Variants in TAF11L14 observed in about 807,000 individuals in gnomAD.
The protein encoded by TAF11L14 is TATA-box binding protein associated factor 11 like 14, also known as TATA-box-binding protein-associated factor 11-like protein 14.
exon 1 of TAF11L14, chr5:17,634,730 G>T: frequency 2.5e-6 from 1 of 398,756 alleles, no homozygotes; most frequent in Non-Finnish European, 4.4e-6. Context: ...TGCAGAGGAG[G>T]CTCAGAGGAT....
exon 1 of TAF11L14, chr5:17,634,694 C>A: frequency 2.5e-6 from 1 of 399,034 alleles, no homozygotes. Context: ...TACCAAAGGC[C>A]AGAAGGAGAG....
At chr5:17,634,564 C>G (rs916369375) in exon 1 of TAF11L14, 1 of 398,262 alleles carries the variant, frequency 2.5e-6, no homozygotes, top group African/African-American at 2.1e-5. Flanking sequence ...TAGATGGGAA[C>G]TTGGAAGAAC....
exon 1 of TAF11L14, chr5:17,634,842 C>G: frequency 2.5e-6 from 1 of 398,600 alleles, no homozygotes; most frequent in Non-Finnish European, 4.4e-6. Context: ...CTGATGTGGT[C>G]TATCACTGGG....
chr5:17,634,532 G>A (rs966979082), exon 1 of TAF11L14: 5 of 398,240 alleles, frequency 1.3e-5, no homozygotes, highest in Non-Finnish European at 2.2e-5. Flanking sequence ...GGGCTGCAAC[G>A]AGGATGGAAT....
exon 1 of TAF11L14, chr5:17,634,999 C>G (rs1332993963): frequency 1.3e-5 from 5 of 398,166 alleles, no homozygotes; most frequent in Non-Finnish European, 2.2e-5. Flanking sequence ...AGGCTGTTTG[C>G]AGGTTAAAGC....
At chr5:17,634,536 A>G (rs999790519) in exon 1 of TAF11L14, 9 of 398,202 alleles carry the variant, frequency 2.3e-5, no homozygotes, top group African/African-American at 1.9e-4. Context: ...TGCAACGAGG[A>G]TGGAATCCCT....
chr5:17,634,481 G>T (rs1561017525), exon 1 of TAF11L14: 2 of 398,404 alleles, frequency 5.0e-6, no homozygotes, highest in East Asian at 7.1e-5. Flanking sequence ...CAGGCAAACA[G>T]GTGTGTCTGC....
exon 1 of TAF11L14, chr5:17,634,827 C>G (rs1179908838): frequency 7.5e-6 from 3 of 398,474 alleles, no homozygotes; most frequent in African/African-American, 6.2e-5. Context: ...GCACTTGTTG[C>G]ACGTCTGATG....
exon 1 of TAF11L14, chr5:17,634,997 T>C (rs1244443455): frequency 1.3e-5 from 5 of 398,212 alleles, no homozygotes; most frequent in South Asian, 2.5e-4. Flanking sequence ...GGAGGCTGTT[T>C]GCAGGTTAAA....
chr5:17,634,821 T>G, exon 1 of TAF11L14: 4 of 398,608 alleles, frequency 1.0e-5, no homozygotes, highest in Non-Finnish European at 1.8e-5. Flanking sequence ...CCAAAAGCAC[T>G]TGTTGCACGT....
Position 17,634,869 on chromosome 5 carries a change from A to G in TAF11L14, c.410A>G (p.Asn137Ser), listed in dbSNP as rs1304679805. The G allele has an allele frequency of 2.8e-5, 11 of 398,458 alleles. 1 individual carries two copies. The highest frequency in any genetic ancestry group is 4.9e-5 in the Non-Finnish European group (11 of 225,882). 24.7% of individuals were successfully genotyped at this position (398,458 alleles called of 1,614,324 possible). A position where few individuals can be genotyped will look rare whatever the true frequency, so the allele number is the denominator to read the frequency against. ...ATCACTGGGAGATCGGTGCCTGAGAACATGGCCATTGCCATGGCTGGAATA... is the reference window on the plus strand; with the variant it reads ...ATCACTGGGAGATCGGTGCCTGAGAGCATGGCCATTGCCATGGCTGGAATA... The change falls in exon 1 of 1, where the codon AAC (asparagine) becomes AGC (serine). Residue 137 changes from asparagine to serine, a missense_variant. Transcript: ENST00000512227.
chr5:17,634,934 G>C, exon 1 of TAF11L14: 1 of 398,518 alleles, frequency 2.5e-6, no homozygotes, highest in Non-Finnish European at 4.4e-6. Context: ...AGAGGCCCTG[G>C]ACATGTGTGA....
exon 1 of TAF11L14, chr5:17,634,966 A>C (rs1467070587): frequency 5.0e-6 from 2 of 398,274 alleles, no homozygotes. Context: ...AAATGCCCCC[A>C]TTGCAGCCCA....
exon 1 of TAF11L14, chr5:17,634,915 G>A: frequency 2.5e-6 from 1 of 398,628 alleles, no homozygotes; most frequent in Non-Finnish European, 4.4e-6. Context: ...TTGTTGGAGA[G>A]GTGGTGGAAG....
Position 17,634,869 on chromosome 5 carries a change from A to T in TAF11L14, c.410A>T (p.Asn137Ile), listed in dbSNP as rs1304679805. 5.0e-6 allele frequency: 2 copies of T among 398,576 alleles called. 1 individual carries two copies. Among genetic ancestry groups the T allele is most frequent in the East Asian group, 7.1e-5 (2 of 28,072 alleles). 24.7% of individuals were successfully genotyped at this position (398,576 alleles called of 1,614,324 possible). A position where few individuals can be genotyped will look rare whatever the true frequency, so the allele number is the denominator to read the frequency against. Residue 137 changes from asparagine (N) to isoleucine (I), a missense_variant, in exon 1 of 1, where the codon AAC becomes ATC. Asn to Ile is a moderately radical substitution (Grantham distance 149). Transcript: ENST00000512227. ...ATCACTGGGAGATCGGTGCCTGAGAACATGGCCATTGCCATGGCTGGAATA... is the reference window on the plus strand; with the variant it reads ...ATCACTGGGAGATCGGTGCCTGAGATCATGGCCATTGCCATGGCTGGAATA...
exon 1 of TAF11L14, chr5:17,634,650 C>T: frequency 2.5e-6 from 1 of 398,688 alleles, no homozygotes; most frequent in Non-Finnish European, 4.4e-6. Flanking sequence ...GCCTCAGCCT[C>T]AGCTCCTCCT....
At chr5:17,634,469 G>T in exon 1 of TAF11L14, 2 of 398,312 alleles carry the variant, frequency 5.0e-6, no homozygotes, top group Non-Finnish European at 4.4e-6. Context: ...CATGGAGACC[G>T]GCAGGCAAAC....
exon 1 of TAF11L14, chr5:17,634,534 G>A (rs2126418798): frequency 2.5e-6 from 1 of 398,362 alleles, no homozygotes; most frequent in Non-Finnish European, 4.4e-6. Flanking sequence ...GCTGCAACGA[G>A]GATGGAATCC....
exon 1 of TAF11L14, chr5:17,634,518 T>C: frequency 2.5e-6 from 1 of 398,278 alleles, no homozygotes; most frequent in Non-Finnish European, 4.4e-6. Context: ...CCCCGAGGTC[T>C]GAAGGGCTGC....
Sources: gnomAD v4.1 joint callset for allele counts on GRCh38, gnomAD v4.1.1 for gene constraint, MANE v1.5 for transcripts, NCBI Gene and HGNC (gene_info 2026-07-23, HGNC 2026-07-21) for gene names.